Variants in CFH observed in about 807,000 individuals in gnomAD.
CFH encodes the protein complement factor H.
In CFH, 53 loss-of-function variants were observed where a neutral mutation model predicts 147.3. That is an observed-to-expected ratio of 0.36 (90% CI 0.29 to 0.45). CFH has a LOEUF of 0.45. Ranked by LOEUF, CFH falls within the 20% of genes least tolerant of loss-of-function variation. The pLI, the probability that CFH is intolerant of heterozygous loss-of-function variation, is 1.00. For missense variants in CFH, 1,380 were observed against 1,498.0 expected, an observed-to-expected ratio of 0.92 and a Z score of 1.30; for synonymous variants, 536 against 489.4, an observed-to-expected ratio of 1.10 and a Z score of -1.26.
intron 1 of CFH, among the ~76,000 whole-genome samples, chr1:196,655,038 A>G (rs1666638405): frequency 6.6e-6 from 1 of 152,182 alleles, no homozygotes; most frequent in Admixed American, 6.6e-5. Context: ...ACGTGTTGAT[A>G]TTAATATTAC....
chr1:196,716,990 G>A (rs1015912122), intron 11 of CFH, among the ~76,000 whole-genome samples: 2 of 151,838 alleles, frequency 1.3e-5, no homozygotes, highest in African/African-American at 2.4e-5. Context: ...AATGAAAAGA[G>A]CAAAGAGCTC....
At chr1:196,689,027 AAAAGAAAGAAAG>A (rs36170795) in intron 7 of CFH, among the ~76,000 whole-genome samples, 2 of 149,646 alleles carry the variant, frequency 1.3e-5, no homozygotes, top group Non-Finnish European at 3.0e-5. Context: ...GAATAGAAAA[AAAAGAAAGAAAG>A]AAAGAAAGAA....
intron 1 of CFH, among the ~76,000 whole-genome samples, chr1:196,654,192 T>A (rs1009013994): frequency 1.4e-4 from 21 of 152,114 alleles, no homozygotes; most frequent in Admixed American, 2.6e-4. Flanking sequence ...TTGAATACTA[T>A]CACAATCTGC....
In CFH at chr1:196,747,168, C is replaced by G; in HGVS notation, c.3551C>G (p.Thr1184Arg). 1 of 1,613,784 alleles carries G rather than the reference C, an allele frequency of 6.2e-7. No homozygotes were observed. Among genetic ancestry groups the G allele is most frequent in the African/African-American group, 1.3e-5 (1 of 74,998 alleles). Residue 1184 changes from threonine to arginine, a missense_variant, in exon 22 of 22, where the codon ACA (threonine) becomes AGA (arginine). This residue lies in a region of CFH where 123 missense variants were observed against 185.3 expected (regional missense o/e 0.66). Transcript: ENST00000367429. The stretch of plus-strand genomic sequence containing the variant: ...AATTATAACATAGCATTAAGGTGGA[C>G]AGCCAAACAGAAGCTTTATTCGAGA... Reference protein sequence around the residue: ...MENYNIALRWTAKQKLYSRTG... With the variant: ...MENYNIALRWRAKQKLYSRTG...
chr1:196,692,560 CTTCTTTCT>C (rs151137602), intron 9 of CFH, among the ~76,000 whole-genome samples: 1 of 136,372 alleles, frequency 7.3e-6, no homozygotes, highest in East Asian at 2.2e-4. Flanking sequence ...TTCTTTCTTT[CTTCTTTCT>C]TTCTTTTTCT....
chr1:196,746,250 T>C (rs1167356522), intron 21 of CFH, among the ~76,000 whole-genome samples: 4 of 152,012 alleles, frequency 2.6e-5, no homozygotes, highest in Admixed American at 1.3e-4. Flanking sequence ...TTGAGGACCA[T>C]CCTGGCTAAC....
rs747163323 is a variant in CFH at position 196,690,270 on chromosome 1, T to G, written c.1336+31T>G. 8 of 1,611,294 alleles carry G rather than the reference T, an allele frequency of 5.0e-6. 1 individual carries two copies. The Admixed American group carries it at 1.3e-4, about 27-fold the overall frequency. ...TACACTACTCTGAAATCCTAGCATG[T>G]TCATGTCTTTCTAAGTAACATAGAT... is the stretch of plus-strand genomic sequence containing the variant. On this transcript the variant is annotated intron_variant, in intron 9 of 21. Transcript: ENST00000367429.
At chr1:196,724,034 C>T (rs993950390) in intron 11 of CFH, among the ~76,000 whole-genome samples, 2 of 152,072 alleles carry the variant, frequency 1.3e-5, no homozygotes, top group East Asian at 1.9e-4. Context: ...ACCGCGTCTG[C>T]GTGTCTGCTG....
Position 196,684,421 on chromosome 1 carries a change from A to G in CFH, c.791-643A>G, listed in dbSNP as rs538346097. Among the ~76,000 whole-genome samples the G allele has an allele frequency of 3.3e-5, 5 of 152,132 alleles. No individual in the cohort carries two copies. The South Asian group carries it at 1.0e-3, about 31-fold the overall frequency. On this transcript the variant is annotated intron_variant, in intron 6 of 21. Coordinates refer to ENST00000367429, the MANE Select transcript of CFH (RefSeq NM_000186.4). ...GATATTAAGACTGAAGTTTATTTTC[A>G]TTCATGTTCACTGTCAATGTAGATC...
At chr1:196,697,687 T>C (rs1668319174) in intron 9 of CFH, among the ~76,000 whole-genome samples, 1 of 152,116 alleles carries the variant, frequency 6.6e-6, no homozygotes, top group South Asian at 2.1e-4. Context: ...ATCATGCTGC[T>C]ATAAAGACAC....
intron 15 of CFH, among the ~76,000 whole-genome samples, chr1:196,736,195 G>A (rs747002513): frequency 5.3e-5 from 8 of 152,024 alleles, no homozygotes; most frequent in Admixed American, 1.3e-4. Context: ...GCATTAAACT[G>A]GGTGCATAAC....
chr1:196,701,256 T>C lies in CFH; in HGVS notation c.1336+11017T>C, dbSNP rs1668440027. 4 of 1,611,440 alleles carry C rather than the reference T, an allele frequency of 2.5e-6. No individual in the cohort carries two copies. The Middle Eastern group carries it at 5.0e-4, about 200-fold the overall frequency. On this transcript the variant is annotated intron_variant, in intron 9 of 21. Coordinates refer to ENST00000367429, the MANE Select transcript of CFH (RefSeq NM_000186.4). ...TCACATTCAGTTAGTCCTGAAGGAG[T>C]TGCTAGTGGAATCTCAGCAAGCCTA... is the stretch of plus-strand genomic sequence containing the variant.
At position 196,677,502 on chromosome 1, in the gene CFH, C is replaced by T; in HGVS notation, c.454C>T (p.Pro152Ser). ...TGTGAAGTGTTTACCAGTGACAGCA[C>T]CAGAGAATGGAAAAATTGTCAGTAG... ...EVVKCLPVTAPENGKIVSSAM... is the reference protein window; with the variant it reads ...EVVKCLPVTASENGKIVSSAM... Residue 152 changes from proline (P) to serine (S), a missense_variant, in exon 5 of 22, where the codon CCA becomes TCA. Transcript: ENST00000367429. The T allele has an allele frequency of 6.2e-7, 1 of 1,612,912 alleles. No homozygotes were observed. The highest frequency in any genetic ancestry group is 8.5e-7 in the Non-Finnish European group (1 of 1,179,306).
Position 196,673,077 on chromosome 1 carries a change from G to T in CFH, c.158G>T (p.Arg53Leu), listed in dbSNP as rs976333015. ...PEGTQAIYKC[R>L]PGYRSLGNVI... ...GGCACCCAGGCTATCTATAAATGCCGCCCTGGATATAGATCTCTTGGAAAT... is the reference window on the plus strand; with the variant it reads ...GGCACCCAGGCTATCTATAAATGCCTCCCTGGATATAGATCTCTTGGAAAT... The change falls in exon 2 of 22, where the codon CGC (arginine) becomes CTC (leucine). Residue 53 changes from arginine (R) to leucine (L), a missense_variant. By Grantham distance (102) the Arg-to-Leu change is moderately radical. Around this residue, in one of 4 missense-constraint regions of CFH, gnomAD observed 260 missense variants for 263.3 expected, o/e 0.99. Coordinates refer to ENST00000367429, the MANE Select transcript of CFH (RefSeq NM_000186.4). 3 of 1,613,742 alleles carry T rather than the reference G, an allele frequency of 1.9e-6. No homozygotes were observed. Among genetic ancestry groups the T allele is most frequent in the African/African-American group, 2.7e-5 (2 of 74,892 alleles).
chr1:196,654,295 T>C (rs916270848), intron 1 of CFH, among the ~76,000 whole-genome samples: 5 of 152,182 alleles, frequency 3.3e-5, no homozygotes, highest in Admixed American at 2.6e-4. Context: ...AAGAAAGAAT[T>C]ATAGCCAGCA....
intron 15 of CFH, among the ~76,000 whole-genome samples, chr1:196,731,036 A>T (rs970520431): frequency 1.3e-5 from 2 of 151,792 alleles, no homozygotes; most frequent in Non-Finnish European, 3.0e-5. Context: ...TAGTCATTCT[A>T]TGCCTTTTGA....
chr1:196,668,687 T>G (rs1471710886), intron 1 of CFH, among the ~76,000 whole-genome samples: 1 of 152,200 alleles, frequency 6.6e-6, no homozygotes, highest in Non-Finnish European at 1.5e-5. Context: ...TGCTACCATA[T>G]GAAGAAGATC....
intron 20 of CFH, 126 bp from the exon 21 acceptor site, chr1:196,745,691 T>A (rs190952827): frequency 7.3e-7 from 1 of 1,364,536 alleles, no homozygotes; most frequent in Non-Finnish European, 1.0e-6. Flanking sequence ...CCAGGACTCA[T>A]TTCTTTCACC....
chr1:196,652,252 A>C, intron 1 of CFH, 77 bp downstream of exon 1: 1 of 1,172,218 alleles, frequency 8.5e-7, no homozygotes, highest in East Asian at 2.4e-5. Context: ...AGGAGTAATA[A>C]AAATTTGATT....
Sources: allele counts gnomAD v4.1 joint callset (sites outside exome capture counted in the v4.1 genomes callset), GRCh38; gene constraint gnomAD v4.1.1; regional missense constraint gnomAD v4.1.1; transcripts MANE v1.5; gene names NCBI Gene and HGNC (gene_info 2026-07-23, HGNC 2026-07-21).